Variants in FANCB observed in about 807,000 individuals in gnomAD.
FANCB encodes FA complementation group B, also known as Fanconi anemia group B protein.
A neutral mutation model predicts 38.9 loss-of-function variants in FANCB; 5 were observed. The observed-to-expected ratio is 0.13, with a 90% CI of 0.07 to 0.27. The LOEUF (loss-of-function observed/expected upper bound fraction) is 0.27, where lower values mean the gene tolerates loss of function less well. Ranked by LOEUF, FANCB falls within the 10% of genes least tolerant of loss-of-function variation. The probability of loss-of-function intolerance (pLI) is 1.00; values close to 1 mark genes in which losing one functional copy is unlikely to be tolerated. For missense variants in FANCB, 573 were observed against 602.7 expected (o/e 0.95, Z 0.52); for synonymous variants, 236 against 215.4 (o/e 1.10, Z -0.84).
the FANCB span, among the ~76,000 whole-genome samples, chrX:14,785,351 T>C: frequency 8.9e-6 from 1 of 112,027 alleles, no homozygotes; most frequent in African/African-American, 3.2e-5. Context: ...CCTTACAGTA[T>C]ATCCATGCTA....
chrX:14,870,442 G>A (rs1370359072), intron 1 of FANCB, among the ~76,000 whole-genome samples: 5 of 110,103 alleles, frequency 4.5e-5, no homozygotes, highest in African/African-American at 9.9e-5. Flanking sequence ...GTGGCGGTGC[G>A]GGGCAGGGTG....
At chrX:14,708,920 G>C in the FANCB span, among the ~76,000 whole-genome samples, 3 of 110,026 alleles carry the variant, frequency 2.7e-5, no homozygotes, top group Non-Finnish European at 3.8e-5. Flanking sequence ...TGGGCAACAA[G>C]AGAGAAACTC....
chrX:14,822,867 A>G, the FANCB span, among the ~76,000 whole-genome samples: 2 of 110,873 alleles, frequency 1.8e-5, no homozygotes, highest in South Asian at 7.5e-4. Context: ...TGCTCTTTTT[A>G]CCTGAAAAGA....
In FANCB at chrX:14,865,407, T is replaced by A; in HGVS notation, c.104A>T (p.Lys35Ile). The A allele has an allele frequency of 8.3e-7, 1 of 1,208,490 alleles. No individual in the cohort carries two copies. The highest frequency in any genetic ancestry group is 1.1e-6 in the Non-Finnish European group (1 of 892,711). Residue 35 changes from lysine to isoleucine, a missense_variant, in exon 3 of 10, where the codon AAA (lysine) becomes ATA (isoleucine). Lys to Ile is a moderately radical substitution (Grantham distance 102, BLOSUM62 -3). Coordinates refer to ENST00000650831, the MANE Select transcript of FANCB (RefSeq NM_001018113.3). ...FQLSKGNFAD[K>I]EPTKTPILHV... ...TAATATGGGTGTTTTTGTAGGCTCT[T>A]TATCTGCAAAATTTCCTTTAGACAA...
downstream of FANCB, chrX:14,834,347 C>A (rs2092335468): frequency 3.1e-6 from 1 of 318,458 alleles, no homozygotes; most frequent in African/African-American, 2.7e-5. Context: ...GGAACCTGGA[C>A]AACATTTATC....
At chrX:14,754,099 G>T in the FANCB span, among the ~76,000 whole-genome samples, 1 of 111,982 alleles carries the variant, frequency 8.9e-6, no homozygotes, top group South Asian at 3.7e-4. Context: ...CCTGCTCCAG[G>T]ATCTGGTAGC....
At chrX:14,774,865 C>T in the FANCB span, among the ~76,000 whole-genome samples, 1 of 111,044 alleles carries the variant, frequency 9.0e-6, no homozygotes, top group Non-Finnish European at 1.9e-5. Flanking sequence ...TGGAGTCTTG[C>T]TCTGTCGCCC....
chrX:14,697,417 G>C, the FANCB span, among the ~76,000 whole-genome samples: 1 of 111,961 alleles, frequency 8.9e-6, no homozygotes, highest in Non-Finnish European at 1.9e-5. Context: ...CCGGTATAGG[G>C]GTATGCATGT....
At chrX:14,753,426 A>G in the FANCB span, among the ~76,000 whole-genome samples, 1 of 112,619 alleles carries the variant, frequency 8.9e-6, no homozygotes, top group African/African-American at 3.2e-5. Context: ...ATCTATTGCT[A>G]TGTCATAAAC....
the FANCB span, among the ~76,000 whole-genome samples, chrX:14,815,853 T>G: frequency 8.9e-6 from 1 of 112,216 alleles, no homozygotes; most frequent in Non-Finnish European, 1.9e-5. Flanking sequence ...AAATAATGTC[T>G]TTTGCAGCAA....
chrX:14,864,998 C>T lies in FANCB; in HGVS notation c.513G>A (p.Gln171=), dbSNP rs763353362. 1.7e-5 allele frequency: 20 copies of T among 1,209,239 alleles called. No individual in the cohort carries two copies. The East Asian group carries it at 5.6e-4, about 34-fold the overall frequency. ...CTAAATTTTCAATCTCCCCTGCCCA[C>T]TGAATAGAGGAAAAGTTACCTGACA... ...VSVSGNFSSI[Q]WAGEIENLGM... The change falls in exon 3 of 10, where the codon CAG becomes CAA. Residue 171 remains glutamine (Q), a synonymous_variant. Transcript: ENST00000650831.
downstream of FANCB, among the ~76,000 whole-genome samples, chrX:14,831,988 A>T (rs778288363): frequency 8.9e-6 from 1 of 112,015 alleles, no homozygotes; most frequent in South Asian, 3.7e-4. Flanking sequence ...TCCCCTGGAA[A>T]CATCATGGTG....
chrX:14,779,737 G>C, the FANCB span, among the ~76,000 whole-genome samples: 2 of 108,445 alleles, frequency 1.8e-5, no homozygotes, highest in African/African-American at 3.7e-5. Flanking sequence ...AGAAGATAGA[G>C]AAGGAAGTGA....
At chrX:14,784,258 G>A in the FANCB span, among the ~76,000 whole-genome samples, 3 of 112,532 alleles carry the variant, frequency 2.7e-5, no homozygotes, top group Non-Finnish European at 5.6e-5. Context: ...ATTTCTGGAG[G>A]TCAGAAGTCT....
chrX:14,719,316 A>G, the FANCB span, among the ~76,000 whole-genome samples: 2 of 112,015 alleles, frequency 1.8e-5, no homozygotes, highest in Admixed American at 9.5e-5. Context: ...ATAAGGGATC[A>G]ATATCAAAAA....
At chrX:14,719,321 C>A in the FANCB span, among the ~76,000 whole-genome samples, 1 of 111,397 alleles carries the variant, frequency 9.0e-6, no homozygotes, top group African/African-American at 3.3e-5. Context: ...GGATCAATAT[C>A]AAAAATATAC....
chrX:14,845,371 A>T (rs2092372135), intron 7 of FANCB, 85 bp from the exon 8 acceptor site: 1 of 713,648 alleles, frequency 1.4e-6, no homozygotes, highest in Non-Finnish European at 2.2e-6. Context: ...AAACAACAGT[A>T]AAAAATGTTT....
At chrX:14,807,569 T>C in the FANCB span, among the ~76,000 whole-genome samples, 1 of 111,817 alleles carries the variant, frequency 8.9e-6, no homozygotes, top group Non-Finnish European at 1.9e-5. Context: ...TCATACAATG[T>C]CTTCAGTAGA....
At chrX:14,811,891 C>A in the FANCB span, among the ~76,000 whole-genome samples, 199 of 111,583 alleles carry the variant, frequency 1.8e-3, no homozygotes, top group Middle Eastern at 0.014. Flanking sequence ...TTACCTATTC[C>A]AAAATTGACC....
Sources: allele counts gnomAD v4.1 joint callset (sites outside exome capture counted in the v4.1 genomes callset), GRCh38; gene constraint gnomAD v4.1.1; transcripts MANE v1.5; gene names NCBI Gene and HGNC (gene_info 2026-07-23, HGNC 2026-07-21).